ESCO2: variants seen among roughly 807,000 people sequenced by gnomAD.
ESCO2 encodes establishment of sister chromatid cohesion N-acetyltransferase 2.
A neutral mutation model predicts 61.7 loss-of-function variants in ESCO2; 51 were observed. The ratio of observed to expected loss-of-function variants is 0.83; its 90% CI spans 0.66 to 1.04. The LOEUF (loss-of-function observed/expected upper bound fraction) is 1.04. Among genes scored for constraint, ESCO2 ranks in the 50% least tolerant of loss-of-function variants. ESCO2 has a pLI of 0.00. For missense variants in ESCO2, 692 were observed against 686.2 expected (o/e 1.01, Z -0.09); for synonymous variants, 230 against 238.2 (o/e 0.97, Z 0.32).
intron 9 of ESCO2, among the ~76,000 whole-genome samples, chr8:27,797,379 G>A (rs1805323572): frequency 6.6e-6 from 1 of 152,098 alleles, no homozygotes; most frequent in South Asian, 2.1e-4. Flanking sequence ...TTTGTATGAT[G>A]TAAGTGTAGG....
chr8:27,815,951 C>G (rs536029249), downstream of ESCO2, among the ~76,000 whole-genome samples: 1 of 152,288 alleles, frequency 6.6e-6, no homozygotes, highest in South Asian at 2.1e-4. Context: ...TTGGTTGATA[C>G]AGAAACAGTT....
downstream of ESCO2, chr8:27,810,157 A>T: frequency 1.6e-6 from 1 of 618,478 alleles, no homozygotes; most frequent in Non-Finnish European, 2.8e-6. Flanking sequence ...AGCATATTTC[A>T]TATTAGAAAT....
intron 7 of ESCO2, among the ~76,000 whole-genome samples, chr8:27,789,530 A>G (rs1304658436): frequency 2.0e-5 from 3 of 152,210 alleles, no homozygotes; most frequent in Non-Finnish European, 4.4e-5. Flanking sequence ...CTGTAATCCC[A>G]GCATTTTGGG....
At chr8:27,816,189 A>G (rs17057925), downstream of ESCO2, among the ~76,000 whole-genome samples, 23,616 of 151,432 alleles carry the variant, frequency 0.16, 2,351 homozygotes, top group East Asian at 0.37. Context: ...TAGTATTCAA[A>G]AGCTGCTTTC....
intron 4 of ESCO2, among the ~76,000 whole-genome samples, chr8:27,780,768 T>C (rs1290667191): frequency 6.7e-6 from 1 of 149,824 alleles, no homozygotes; most frequent in Non-Finnish European, 1.5e-5. Flanking sequence ...TAAAGTTAAT[T>C]TTTAAATTCC....
upstream of ESCO2, chr8:27,772,547 G>C (rs781566328): frequency 2.6e-6 from 4 of 1,549,330 alleles, no homozygotes; most frequent in Non-Finnish European, 3.5e-6. Flanking sequence ...CCATGATCCC[G>C]GGAGCGGTGC....
At chr8:27,814,412 C>G (rs980819104), downstream of ESCO2, among the ~76,000 whole-genome samples, 1 of 151,984 alleles carries the variant, frequency 6.6e-6, no homozygotes, top group African/African-American at 2.4e-5. Context: ...GACTTGTGTT[C>G]TCTTTTTTCT....
chr8:27,797,785 TAAC>T (rs1805333547), intron 9 of ESCO2, among the ~76,000 whole-genome samples: 1 of 152,230 alleles, frequency 6.6e-6, no homozygotes, highest in Non-Finnish European at 1.5e-5. Flanking sequence ...TTTAAGCTGA[TAAC>T]AATTTATATC....
At chr8:27,784,151 T>G (rs1226935279) in intron 5 of ESCO2, 94 bp downstream of exon 5, 8 of 1,178,940 alleles carry the variant, frequency 6.8e-6, no homozygotes, top group African/African-American at 3.1e-5. Context: ...ATTTGGGGAG[T>G]TTTTTTTTCT....
At chr8:27,780,733 A>G (rs1489940237) in intron 4 of ESCO2, among the ~76,000 whole-genome samples, 1 of 152,236 alleles carries the variant, frequency 6.6e-6, no homozygotes, top group Non-Finnish European at 1.5e-5. Flanking sequence ...TAGCTGTATG[A>G]TCTAGGAAGA....
At chr8:27,810,272 T>C (rs1273936072), downstream of ESCO2, 4 of 1,453,676 alleles carry the variant, frequency 2.8e-6, no homozygotes, top group African/African-American at 4.2e-5. Context: ...TAAACAGTTA[T>C]TTACGCAAGC....
At chr8:27,772,592 A>G, upstream of ESCO2, 3 of 1,536,136 alleles carry the variant, frequency 2.0e-6, no homozygotes, top group Non-Finnish European at 1.8e-6. Flanking sequence ...CGCTCAACTC[A>G]CGAAGCTCAG....
At chr8:27,781,938 T>C (rs912556929) in intron 4 of ESCO2, among the ~76,000 whole-genome samples, 18 of 152,344 alleles carry the variant, frequency 1.2e-4, no homozygotes, top group Middle Eastern at 3.4e-3. Flanking sequence ...TTTGGAATCT[T>C]CTATTAATGT....
chr8:27,787,558 ATCT>A, intron 5 of ESCO2, among the ~76,000 whole-genome samples: 1 of 152,288 alleles, frequency 6.6e-6, no homozygotes, highest in Non-Finnish European at 1.5e-5. Flanking sequence ...AAGCAAAAAA[ATCT>A]TTTTTTAAAG....
chr8:27,816,343 C>CATATATATATATATATATATATATA (rs1554559819), downstream of ESCO2, among the ~76,000 whole-genome samples: 5 of 136,314 alleles, frequency 3.7e-5, no homozygotes, highest in African/African-American at 1.5e-4. Context: ...TCATCGAATA[C>CATATATATATATATATATATATATA]TATATATATA....
At chr8:27,780,744 T>C (rs998641022) in intron 4 of ESCO2, among the ~76,000 whole-genome samples, 1 of 152,218 alleles carries the variant, frequency 6.6e-6, no homozygotes, top group Non-Finnish European at 1.5e-5. Context: ...TCTAGGAAGA[T>C]ATCTCTAAAG....
At chr8:27,772,618 G>C (rs1804673461), upstream of ESCO2, 1 of 1,452,034 alleles carries the variant, frequency 6.9e-7, no homozygotes, top group African/African-American at 1.4e-5. Context: ...CAGACTCGCG[G>C]CGGCCGCCTG....
At position 27,803,677 on chromosome 8, in the gene ESCO2, T is replaced by C. The variant is rs1805504907; in HGVS notation, c.*239T>C. 22 of 1,304,860 alleles carry C rather than the reference T, an allele frequency of 1.7e-5. No individual in the cohort carries two copies. The highest frequency in any genetic ancestry group is 2.0e-5 in the Non-Finnish European group (21 of 1,028,810). 80.8% of individuals were successfully genotyped at this position (1,304,860 alleles called of 1,614,324 possible). A position where few individuals can be genotyped will look rare whatever the true frequency, so the allele number is the denominator to read the frequency against. Reference sequence around the variant, plus strand: ...AAAAATCTTTGGGTGATTCCCTGATTAGCACTCTGAATGTTTAATTATGAA... The same window carrying C: ...AAAAATCTTTGGGTGATTCCCTGATCAGCACTCTGAATGTTTAATTATGAA... On this transcript the variant is annotated 3_prime_UTR_variant, in exon 11 of 11. Coordinates refer to ENST00000305188, the MANE Select transcript of ESCO2 (RefSeq NM_001017420.3).
intron 7 of ESCO2, among the ~76,000 whole-genome samples, chr8:27,790,430 G>A (rs78107043): frequency 0.11 from 16,133 of 151,960 alleles, 958 homozygotes; most frequent in East Asian, 0.24. Context: ...CAGAAACCTC[G>A]TTCCCCTATC....
Sources: gnomAD v4.1 joint callset for allele counts (sites outside exome capture counted in the v4.1 genomes callset) on GRCh38, gnomAD v4.1.1 for gene constraint, MANE v1.5 for transcripts, NCBI Gene and HGNC (gene_info 2026-07-23, HGNC 2026-07-21) for gene names.